Variants in IPO5 observed in about 807,000 individuals in gnomAD.
The protein encoded by IPO5 is importin 5.
In IPO5, 18 loss-of-function variants were observed where a neutral mutation model predicts 143.3. The observed-to-expected ratio is 0.13, with a 90% CI of 0.09 to 0.19. The LOEUF (loss-of-function observed/expected upper bound fraction) is 0.19, where lower values mean the gene tolerates loss of function less well. IPO5 is among the 10% of genes least tolerant of loss of function. The probability of loss-of-function intolerance (pLI) is 1.00; values close to 1 mark genes in which losing one functional copy is unlikely to be tolerated. For missense variants in IPO5, 1,013 were observed against 1,336.9 expected, an observed-to-expected ratio of 0.76 and a Z score of 3.78; for synonymous variants, 477 against 465.7, an observed-to-expected ratio of 1.02 and a Z score of -0.31.
chr13:98,001,158 G>A (rs544950819), intron 13 of IPO5, among the ~76,000 whole-genome samples: 1 of 152,172 alleles, frequency 6.6e-6, no homozygotes, highest in South Asian at 2.1e-4. Flanking sequence ...ATAGGCATGA[G>A]CTACCACACC....
intron 12 of IPO5, 41 bp downstream of exon 12, chr13:97,997,659 G>T: frequency 7.9e-7 from 1 of 1,262,476 alleles, no homozygotes. Context: ...GAAAGCCCTA[G>T]GGCTCCACGG....
At chr13:98,013,396 C>T (rs1047984830) in intron 21 of IPO5, among the ~76,000 whole-genome samples, 1 of 152,074 alleles carries the variant, frequency 6.6e-6, no homozygotes, top group Non-Finnish European at 1.5e-5. Flanking sequence ...CATTTTTATG[C>T]CTTTACACAC....
chr13:98,016,874 G>A, intron 25 of IPO5, 23 bp downstream of exon 25: 1 of 1,479,012 alleles, frequency 6.8e-7, no homozygotes, highest in Non-Finnish European at 9.0e-7. Flanking sequence ...TCTCTTAATA[G>A]TTGTTTTGCG....
intron 22 of IPO5, among the ~76,000 whole-genome samples, chr13:98,015,242 TTGTGTGTGTGTGTG>T (rs1179382229): frequency 2.7e-5 from 4 of 147,724 alleles, no homozygotes; most frequent in Non-Finnish European, 6.0e-5. Flanking sequence ...TAGGAGCTGG[TTGTGTGTGTGTGTG>T]TGTGTGTGTG....
intron 4 of IPO5, among the ~76,000 whole-genome samples, chr13:97,980,497 C>T (rs1886749129): frequency 6.6e-6 from 1 of 152,134 alleles, no homozygotes; most frequent in African/African-American, 2.4e-5. Flanking sequence ...TAGGGAGCCT[C>T]AGGATTTATA....
At chr13:97,976,076 A>C in intron 3 of IPO5, 8 of 494,846 alleles carry the variant, frequency 1.6e-5, no homozygotes, top group Non-Finnish European at 1.8e-5. Flanking sequence ...GAGGGACCAA[A>C]GGGGTGGGGC....
At chr13:97,958,956 G>A (rs1224651500) in intron 2 of IPO5, among the ~76,000 whole-genome samples, 2 of 151,934 alleles carry the variant, frequency 1.3e-5, no homozygotes, top group East Asian at 2.0e-4. Context: ...TAGATCACCT[G>A]AGGTCAGGAG....
chr13:98,023,625 A>C lies in IPO5; in HGVS notation c.*1803A>C, dbSNP rs1232561955. ...GCACTATGCTAAGCACTTTGGGAGCAAGAACCTCCTACCTTCCAGTTTAAA... is the reference window on the plus strand; with the variant it reads ...GCACTATGCTAAGCACTTTGGGAGCCAGAACCTCCTACCTTCCAGTTTAAA... On this transcript the variant is annotated 3_prime_UTR_variant, in exon 29 of 29. Transcript: ENST00000651721. 2 of 152,196 alleles carry C rather than the reference A, an allele frequency of 1.3e-5. No homozygotes were observed. Among genetic ancestry groups the C allele is most frequent in the Non-Finnish European group, 2.9e-5 (2 of 68,036 alleles). The allele number at this position is 152,196 out of a possible 1,614,324, so 9.4% of individuals were successfully genotyped here.
chr13:97,992,363 T>C (rs1887874915), intron 9 of IPO5, among the ~76,000 whole-genome samples: 1 of 152,200 alleles, frequency 6.6e-6, no homozygotes, highest in African/African-American at 2.4e-5. Flanking sequence ...TTTAAATGTA[T>C]TACAGGTTCT....
At chr13:97,979,887 C>T (rs1380781564) in intron 4 of IPO5, 2 of 456,498 alleles carry the variant, frequency 4.4e-6, no homozygotes, top group African/African-American at 4.0e-5. Flanking sequence ...TGTTGAGGAA[C>T]CAGGGTGTTA....
intron 16 of IPO5, among the ~76,000 whole-genome samples, chr13:98,005,802 G>A (rs1889191685): frequency 6.6e-6 from 1 of 152,200 alleles, no homozygotes; most frequent in Non-Finnish European, 1.5e-5. Context: ...AAAAAAATGA[G>A]GATGAAGTGT....
chr13:98,016,100 A>T (rs1890105655), intron 24 of IPO5, among the ~76,000 whole-genome samples: 4 of 152,216 alleles, frequency 2.6e-5, no homozygotes, highest in African/African-American at 9.6e-5. Context: ...TGAGTAACCT[A>T]AAATTCCAGT....
At chr13:97,972,268 C>A (rs1594033202) in intron 3 of IPO5, among the ~76,000 whole-genome samples, 3 of 152,130 alleles carry the variant, frequency 2.0e-5, no homozygotes, top group Non-Finnish European at 2.9e-5. Flanking sequence ...AAATTCTATC[C>A]CAGCTGAGAA....
At chr13:97,975,841 G>C in intron 3 of IPO5, 1 of 852,766 alleles carries the variant, frequency 1.2e-6, no homozygotes, top group Non-Finnish European at 1.4e-6. Flanking sequence ...GCTGGGGACG[G>C]GCGGCCTGGC....
chr13:98,001,753 C>G (rs1347221113), intron 13 of IPO5: 2 of 152,186 alleles, frequency 1.3e-5, no homozygotes, highest in Non-Finnish European at 2.9e-5. Context: ...GCTGGGATTA[C>G]AGGCATGAGC....
At chr13:97,969,173 ATATTTTT>A (rs1210882337) in intron 2 of IPO5, among the ~76,000 whole-genome samples, 10 of 70,132 alleles carry the variant, frequency 1.4e-4, no homozygotes, top group African/African-American at 6.0e-4. Context: ...ATATATATAT[ATATTTTT>A]TTTTTTTTTT....
In IPO5 at chr13:98,021,081, A is replaced by G; in HGVS notation, c.3155A>G (p.Lys1052Arg). ...IAEGEMHEAI[K>R]HEDPCAKRLA... ...GAAGGAGAAATGCACGAGGCAATTA[A>G]ACATGAAGATCCTTGTGCCAAACGT... The change falls in exon 28 of 29, where the codon AAA becomes AGA. Residue 1052 changes from lysine (K) to arginine (R), a missense_variant. Lys to Arg is a conservative substitution (Grantham distance 26). Around this residue, in one of 2 missense-constraint regions of IPO5, gnomAD observed 685 missense variants for 994.9 expected, o/e 0.69. Coordinates refer to ENST00000651721, the MANE Select transcript of IPO5 (RefSeq NM_002271.6). 1 of 1,611,784 alleles carries G rather than the reference A, an allele frequency of 6.2e-7. No homozygotes were observed. The highest frequency in any genetic ancestry group is 8.5e-7 in the Non-Finnish European group (1 of 1,179,284).
chr13:98,022,565 A>T lies in IPO5; in HGVS notation c.*743A>T, dbSNP rs979660725. On this transcript the variant is annotated 3_prime_UTR_variant, in exon 29 of 29. Transcript: ENST00000651721. ...TATAAGAATGATCTAATATTTTTTT[A>T]AAGTAATAGCTATCAGTAATAGCTG... The T allele has an allele frequency of 6.6e-5, 10 of 152,298 alleles. No homozygotes were observed. Among genetic ancestry groups the T allele is most frequent in the African/African-American group, 1.2e-4 (5 of 41,456 alleles). The allele number at this position is 152,298 out of a possible 1,614,324, so 9.4% of individuals were successfully genotyped here. A position where few individuals can be genotyped will look rare whatever the true frequency, so the allele number is the denominator to read the frequency against.
In IPO5 at chr13:98,002,909, C is replaced by T. The variant is rs1398065909; in HGVS notation, c.1369C>T (p.Arg457Cys). The T allele has an allele frequency of 2.5e-6, 4 of 1,613,746 alleles. No individual in the cohort carries two copies. The highest frequency in any genetic ancestry group is 1.7e-5 in the Admixed American group (1 of 59,970). The change falls in exon 16 of 29, where the codon CGT (arginine) becomes TGT (cysteine). Residue 457 changes from arginine (R) to cysteine (C), a missense_variant. This residue lies in a region of IPO5 where 685 missense variants were observed against 994.9 expected (regional missense o/e 0.69). Transcript: ENST00000651721. ...GACCATGGAAGACCAAGGCAATCAA[C>T]GTGTGCAGGCCCATGCAGCTGCTGC... ...LQTMEDQGNQ[R>C]VQAHAAAALI...
Sources: allele counts gnomAD v4.1 joint callset (sites outside exome capture counted in the v4.1 genomes callset), GRCh38; gene constraint gnomAD v4.1.1; regional missense constraint gnomAD v4.1.1; transcripts MANE v1.5; gene names NCBI Gene and HGNC (gene_info 2026-07-23, HGNC 2026-07-21).